The following CCDC63 variants were observed in gnomAD, a reference collection of about 807,000 sequenced individuals.
CCDC63 encodes coiled-coil domain containing 63, also known as coiled-coil domain-containing protein 63.
CCDC63 carries 54 observed loss-of-function variants against 63.6 expected under a neutral mutation model. The ratio of observed to expected loss-of-function variants is 0.85; its 90% confidence interval spans 0.68 to 1.07. The LOEUF (loss-of-function observed/expected upper bound fraction) is 1.07. Ranked by LOEUF, CCDC63 falls within the 50% of genes least tolerant of loss-of-function variation. CCDC63 has a pLI of 0.00. For synonymous variants in CCDC63, 253 were observed against 266.1 expected, an observed-to-expected ratio of 0.95 and a Z score of 0.48; for missense variants, 637 against 689.6, an observed-to-expected ratio of 0.92 and a Z score of 0.86.
intron 1 of CCDC63, among the ~76,000 whole-genome samples, chr12:110,851,259 GCTT>G (rs2070701745): frequency 2.6e-5 from 4 of 152,080 alleles, no homozygotes; most frequent in African/African-American, 9.7e-5. Context: ...GCTGGTGCTT[GCTT>G]GGATGATGTT....
At chr12:110,883,251 T>C (rs1209003921) in intron 7 of CCDC63, among the ~76,000 whole-genome samples, 1 of 152,134 alleles carries the variant, frequency 6.6e-6, no homozygotes, top group East Asian at 1.9e-4. Context: ...TTGGCCAGGA[T>C]GGTCTCAGTC....
At chr12:110,881,344 C>T (rs773027744) in intron 7 of CCDC63, 48 bp downstream of exon 7, 2 of 1,552,528 alleles carry the variant, frequency 1.3e-6, no homozygotes, top group Non-Finnish European at 1.7e-6. Context: ...TCTTTCTTGC[C>T]TTCTTTCTCT....
At chr12:110,896,784 G>A (rs563135291) in intron 9 of CCDC63, among the ~76,000 whole-genome samples, 1 of 152,330 alleles carries the variant, frequency 6.6e-6, no homozygotes, top group South Asian at 2.1e-4. Flanking sequence ...TATTTTTAAA[G>A]TTCCCAGGTG....
chr12:110,884,873 A>G (rs796588927), intron 8 of CCDC63, among the ~76,000 whole-genome samples: 1,076 of 93,866 alleles, frequency 0.011, 13 homozygotes, highest in African/African-American at 0.04. Context: ...TTTTTTTTGT[A>G]TTTTTAGTAG....
rs975006218 is a variant in CCDC63, at chr12:110,892,992, C to T, written c.1075-84C>T. 8.4e-6 allele frequency: 9 copies of T among 1,070,038 alleles called. No homozygotes were observed. In the Admixed American group the frequency reaches 1.2e-4, roughly 14 times the overall value. The allele number at this position is 1,070,038 out of a possible 1,614,324, so 66.3% of individuals were successfully genotyped here. On this transcript the variant is annotated intron_variant, in intron 8 of 11. Coordinates refer to ENST00000308208, the MANE Select transcript of CCDC63 (RefSeq NM_152591.3). ...AACGGATCATTGAAATCCTCATCGA[C>T]TCTTTGAGGCGCACACTTATTTTTG...
intron 8 of CCDC63, 36 bp from the exon 9 acceptor site, chr12:110,893,040 C>A: frequency 6.4e-7 from 1 of 1,573,766 alleles, no homozygotes; most frequent in Non-Finnish European, 8.7e-7. Flanking sequence ...AGGGAAGAGC[C>A]CACTTTTCCT....
intron 1 of CCDC63, among the ~76,000 whole-genome samples, chr12:110,850,312 T>A (rs1048880174): frequency 2.0e-5 from 3 of 152,206 alleles, no homozygotes; most frequent in Admixed American, 2.0e-4. Flanking sequence ...GAGCCCTGCC[T>A]GGATCTGAGA....
chr12:110,876,223 T>A (rs1396232722), intron 5 of CCDC63, among the ~76,000 whole-genome samples: 1 of 150,852 alleles, frequency 6.6e-6, no homozygotes, highest in Non-Finnish European at 1.5e-5. Context: ...GTCCTCCCCA[T>A]AGGTCAGGTC....
At chr12:110,862,338 G>T (rs1289595985) in intron 4 of CCDC63, among the ~76,000 whole-genome samples, 1 of 152,170 alleles carries the variant, frequency 6.6e-6, no homozygotes, top group Non-Finnish European at 1.5e-5. Context: ...GATGGGCAAA[G>T]CCTCGTCCTC....
At chr12:110,891,169 G>A (rs2071351872) in intron 8 of CCDC63, among the ~76,000 whole-genome samples, 1 of 152,036 alleles carries the variant, frequency 6.6e-6, no homozygotes, top group Admixed American at 6.6e-5. Flanking sequence ...TTCCAGGCTG[G>A]GTGTGGTGGC....
At chr12:110,892,327 G>A (rs1194207723) in intron 8 of CCDC63, among the ~76,000 whole-genome samples, 1 of 152,150 alleles carries the variant, frequency 6.6e-6, no homozygotes, top group South Asian at 2.1e-4. Context: ...TGTAATCCCA[G>A]CACTTTGGGA....
At chr12:110,905,987 A>C (rs2071567141) in intron 11 of CCDC63, among the ~76,000 whole-genome samples, 1 of 44,958 alleles carries the variant, frequency 2.2e-5, no homozygotes, top group African/African-American at 9.0e-5. Flanking sequence ...TATATATTAT[A>C]TTATTATAAT....
At chr12:110,867,439 G>A (rs1207740042) in intron 4 of CCDC63, among the ~76,000 whole-genome samples, 4 of 112,302 alleles carry the variant, frequency 3.6e-5, no homozygotes, top group African/African-American at 7.2e-5. Context: ...GTGGCTGGCC[G>A]GGCTGAGGGG....
intron 4 of CCDC63, among the ~76,000 whole-genome samples, chr12:110,861,863 G>T (rs2070858640): frequency 6.6e-6 from 1 of 151,644 alleles, no homozygotes; most frequent in South Asian, 2.1e-4. Context: ...GAGCCACTGT[G>T]CCCGGCCTCA....
rs1314541879 is a variant in CCDC63, at chr12:110,884,048, A to C, written c.872A>C (p.His291Pro). The stretch of plus-strand genomic sequence containing the variant: ...TTCCTAGCTCTCAAGGCAAAGAAGC[A>C]TGTCAAGAAGAACAGGGGAGAGAGT... ...KREEALKAKK[H>P]VKKNRGESFE... The change falls in exon 8 of 12, where the codon CAT (histidine) becomes CCT (proline). Residue 291 changes from histidine (H) to proline (P), a missense_variant. Physicochemically the swap from His to Pro is moderately conservative, Grantham distance 77 (BLOSUM62 -2). Transcript: ENST00000308208. The C allele has an allele frequency of 5.6e-6, 9 of 1,613,840 alleles. No individual in the cohort carries two copies. In the East Asian group the frequency reaches 2.0e-4, roughly 36 times the overall value.
At chr12:110,891,634 C>CAAAAAAAAA (rs1167265918) in intron 8 of CCDC63, among the ~76,000 whole-genome samples, 1 of 65,496 alleles carries the variant, frequency 1.5e-5, no homozygotes, top group South Asian at 5.8e-4. Context: ...GACCCTTTCT[C>CAAAAAAAAA]AAAAAAAAAA....
chr12:110,882,612 T>C (rs906242137), intron 7 of CCDC63, among the ~76,000 whole-genome samples: 11 of 151,954 alleles, frequency 7.2e-5, no homozygotes, highest in Non-Finnish European at 1.0e-4. Context: ...AGAGATTCAG[T>C]ACCCCAAATT....
At chr12:110,845,921 C>A (rs1489814490), upstream of CCDC63, 1 of 138,072 alleles carries the variant, frequency 7.2e-6, no homozygotes, top group Non-Finnish European at 1.5e-5. Context: ...TGTGTGCCAC[C>A]ATGCCGGGCT....
In CCDC63 at chr12:110,873,031, C is replaced by T. The variant is rs941288525; in HGVS notation, c.370-811C>T. Reference sequence around the variant, plus strand: ...GGTGGATCACTTGAGGCCAGGAGTTCGAAACCAGGCTGGCCAACATGGCGA... The same window carrying T: ...GGTGGATCACTTGAGGCCAGGAGTTTGAAACCAGGCTGGCCAACATGGCGA... On this transcript the variant is annotated intron_variant, in intron 4 of 11. Transcript: ENST00000308208. Among the ~76,000 whole-genome samples the T allele has an allele frequency of 5.9e-5, 9 of 152,072 alleles. No homozygotes were observed. The South Asian group carries it at 6.2e-4, about 10-fold the overall frequency.
Sources: allele counts gnomAD v4.1 joint callset (sites outside exome capture counted in the v4.1 genomes callset), GRCh38; gene constraint gnomAD v4.1.1; transcripts MANE v1.5; gene names NCBI Gene and HGNC (gene_info 2026-07-23, HGNC 2026-07-21).